The following GNAO1 variants were observed in gnomAD, a reference collection of about 807,000 sequenced individuals.
GNAO1 encodes the protein guanine nucleotide-binding protein G(o) subunit alpha.
For synonymous variants in GNAO1, 164 were observed against 180.7 expected (o/e 0.91, Z 0.74); for missense variants, 166 against 478.7 (o/e 0.35, Z 6.10).
intron 2 of GNAO1, among the ~76,000 whole-genome samples, chr16:56,217,248 C>T (rs561541739): frequency 6.6e-6 from 1 of 152,324 alleles, no homozygotes; most frequent in Non-Finnish European, 1.5e-5. Context: ...CACCATCTAT[C>T]GTGAGCCCTC....
intron 2 of GNAO1, among the ~76,000 whole-genome samples, chr16:56,225,785 C>A (rs991882240): frequency 2.6e-5 from 4 of 151,988 alleles, no homozygotes; most frequent in Admixed American, 2.0e-4. Flanking sequence ...TTCATGAAGA[C>A]GGAGAAACAC....
intron 3 of GNAO1, among the ~76,000 whole-genome samples, chr16:56,327,060 G>A (rs2037640035): frequency 6.6e-6 from 1 of 152,126 alleles, no homozygotes; most frequent in South Asian, 2.1e-4. Context: ...TCCCCACTAT[G>A]AAGTGGAGAT....
chr16:56,297,180 G>T (rs1350824031), intron 3 of GNAO1, among the ~76,000 whole-genome samples: 6 of 152,142 alleles, frequency 3.9e-5, no homozygotes, highest in African/African-American at 1.4e-4. Flanking sequence ...CTCCCAGCTT[G>T]CTTGAGGCAA....
At chr16:56,322,606 G>A (rs1202877597) in intron 3 of GNAO1, among the ~76,000 whole-genome samples, 3 of 152,034 alleles carry the variant, frequency 2.0e-5, no homozygotes, top group African/African-American at 7.2e-5. Flanking sequence ...CCCTCTGCTT[G>A]GGGGCTGGGC....
Position 56,336,752 on chromosome 16 carries a change from G to A in GNAO1, c.615G>A (p.Gln205=), listed in dbSNP as rs2037743833. 1.2e-6 allele frequency: 2 copies of A among 1,612,932 alleles called. No homozygotes were observed. The highest frequency in any genetic ancestry group is 1.7e-6 in the Non-Finnish European group (2 of 1,179,758). ...LHFRLFDVGG[Q]RSERKKWIHC... is the part of the protein sequence containing the mutation. Reference sequence around the variant, plus strand: ...ACAGGCTGTTTGACGTCGGAGGCCAGCGATCTGAACGCAAGAAGTGGATCC... The same window carrying A: ...ACAGGCTGTTTGACGTCGGAGGCCAACGATCTGAACGCAAGAAGTGGATCC... The change falls in exon 6 of 9, where the codon CAG becomes CAA. Residue 205 remains glutamine (Q), a synonymous_variant. Transcript: ENST00000262493.
chr16:56,267,062 A>G (rs757667433), intron 2 of GNAO1, among the ~76,000 whole-genome samples: 11 of 152,172 alleles, frequency 7.2e-5, no homozygotes, highest in Non-Finnish European at 1.0e-4. Flanking sequence ...TCCCTCCTGC[A>G]GATCCAGCAC....
chr16:56,294,395 A>G (rs1342501222), intron 3 of GNAO1, among the ~76,000 whole-genome samples: 25 of 151,356 alleles, frequency 1.7e-4, no homozygotes, highest in African/African-American at 2.2e-4. Flanking sequence ...TCTGCATGCA[A>G]TGCCCCTCCC....
rs1425290716 is a variant in GNAO1, at chr16:56,356,156, T to G, written c.*82T>G. The G allele has an allele frequency of 1.3e-5, 2 of 152,674 alleles. No homozygotes were observed. Among genetic ancestry groups the G allele is most frequent in the Non-Finnish European group, 2.9e-5 (2 of 68,074 alleles). The allele number at this position is 152,674 out of a possible 1,614,324, so 9.5% of individuals were successfully genotyped here. A position where few individuals can be genotyped will look rare whatever the true frequency, so the allele number is the denominator to read the frequency against. The stretch of plus-strand genomic sequence containing the variant: ...GTTGATCTCCTGGTAGCATGACCTT[T>G]TGGCCTTTGTAAGACACACAGCCTT... On this transcript the variant is annotated 3_prime_UTR_variant, in exon 9 of 9. Transcript: ENST00000262493.
At chr16:56,225,694 G>A (rs1303730885) in intron 2 of GNAO1, among the ~76,000 whole-genome samples, 1 of 152,146 alleles carries the variant, frequency 6.6e-6, no homozygotes, top group Non-Finnish European at 1.5e-5. Context: ...TAGTAAGACA[G>A]TAAGCATTTA....
chr16:56,277,986 C>G (rs1326456645), intron 3 of GNAO1, among the ~76,000 whole-genome samples: 1 of 152,148 alleles, frequency 6.6e-6, no homozygotes, highest in African/African-American at 2.4e-5. Flanking sequence ...TTCATTGTTC[C>G]CATGGGATTT....
chr16:56,317,536 G>A (rs2037524371), intron 3 of GNAO1, among the ~76,000 whole-genome samples: 1 of 152,192 alleles, frequency 6.6e-6, no homozygotes, highest in African/African-American at 2.4e-5. Context: ...AACAGGAGTG[G>A]ATGAGTAACT....
rs528687914 is a variant in GNAO1, at chr16:56,308,886, C to T, written c.304-19745C>T. Among the ~76,000 whole-genome samples, 9 of 152,154 alleles carry T rather than the reference C, an allele frequency of 5.9e-5. No homozygotes were observed. The South Asian group carries it at 1.5e-3, about 25-fold the overall frequency. On this transcript the variant is annotated intron_variant, in intron 3 of 8. Transcript: ENST00000262493. ...TTCACGGGGAGGCCAGCTCAGAGGA[C>T]GGGTTAGGATGGAGGGGCCAGAGAC... is the stretch of plus-strand genomic sequence containing the variant.
intron 3 of GNAO1, among the ~76,000 whole-genome samples, chr16:56,287,228 T>C (rs1235603087): frequency 6.6e-6 from 1 of 152,180 alleles, no homozygotes; most frequent in Non-Finnish European, 1.5e-5. Context: ...AGAAGAGGCC[T>C]CCACTAGAAG....
intron 2 of GNAO1, among the ~76,000 whole-genome samples, chr16:56,231,130 G>A (rs1214560730): frequency 6.6e-6 from 1 of 152,184 alleles, no homozygotes; most frequent in Admixed American, 6.5e-5. Context: ...CATTACCTGG[G>A]CAGTGTGGCT....
At chr16:56,300,426 C>G (rs2037333729) in intron 3 of GNAO1, among the ~76,000 whole-genome samples, 2 of 152,214 alleles carry the variant, frequency 1.3e-5, no homozygotes, top group Non-Finnish European at 1.5e-5. Flanking sequence ...GACATAGTAA[C>G]AGTTAACCTC....
At chr16:56,238,951 C>T (rs754944798) in intron 2 of GNAO1, among the ~76,000 whole-genome samples, 4 of 152,224 alleles carry the variant, frequency 2.6e-5, no homozygotes, top group African/African-American at 9.6e-5. Context: ...CCTCTTTACT[C>T]TCACTGTACA....
intron 2 of GNAO1, chr16:56,270,574 T>C (rs1237922102): frequency 6.6e-6 from 1 of 152,160 alleles, no homozygotes; most frequent in Middle Eastern, 3.2e-3. Flanking sequence ...TGTCTGGAGC[T>C]CAACCCTATG....
intron 2 of GNAO1, chr16:56,255,484 G>A (rs2036838296): frequency 6.6e-6 from 1 of 152,274 alleles, no homozygotes; most frequent in South Asian, 2.1e-4. Context: ...TTTCAGATGA[G>A]AAGTTCAATG....
At position 56,346,814 on chromosome 16, in the gene GNAO1, G is replaced by C. The variant is rs2587861; in HGVS notation, c.724-4570G>C. 6,120 of 985,370 alleles carry C rather than the reference G, an allele frequency of 6.2e-3. 274 individuals carry two copies. In the African/African-American group the frequency reaches 0.098, roughly 16 times the overall value. The allele number at this position is 985,370 out of a possible 1,614,324, so 61.0% of individuals were successfully genotyped here. On this transcript the variant is annotated intron_variant, in intron 6 of 8. Transcript: ENST00000262493. ...CACTGGTCTTCTCTGAGTATTCTTA[G>C]GAGCAGAGGCAGCCCCAAGTTCCAA...
Sources: gnomAD v4.1 joint callset for allele counts (sites outside exome capture counted in the v4.1 genomes callset) on GRCh38, gnomAD v4.1.1 for gene constraint, MANE v1.5 for transcripts, NCBI Gene and HGNC (gene_info 2026-07-23, HGNC 2026-07-21) for gene names.